The following SCART1 variants were observed in gnomAD, a reference collection of about 807,000 sequenced individuals.
The protein encoded by SCART1 is scavenger receptor family member expressed on T cells 1, also known as scavenger receptor cysteine-rich domain-containing protein SCART1.
Under a neutral mutation model 36.2 loss-of-function variants are expected in SCART1, and 62 were observed. The ratio of observed to expected loss-of-function variants is 1.71; its 90% confidence interval spans 1.40 to 2.12. The LOEUF (loss-of-function observed/expected upper bound fraction) is 2.12, where lower values mean the gene tolerates loss of function less well. Ranked by LOEUF, SCART1 falls within the 30% of genes most tolerant of loss-of-function variation. The probability of loss-of-function intolerance (pLI) is 0.00; values close to 1 mark genes in which losing one functional copy is unlikely to be tolerated. For synonymous variants in SCART1, 487 were observed against 238.7 expected (o/e 2.04, Z -9.59); for missense variants, 1,041 against 540.5 (o/e 1.93, Z -9.18).
Position 133,457,299 on chromosome 10 carries a change from C to T in SCART1, c.406C>T (p.Arg136Trp), listed in dbSNP as rs770704863. 72 of 700,890 alleles carry T rather than the reference C, an allele frequency of 1.0e-4. 2 individuals carry two copies. The highest frequency in any genetic ancestry group is 7.2e-4 in the East Asian group (27 of 37,244). The allele number at this position is 700,890 out of a possible 1,614,324, so 43.4% of individuals were successfully genotyped here. A position where few individuals can be genotyped will look rare whatever the true frequency, so the allele number is the denominator to read the frequency against. The change falls in exon 3 of 12, where the codon CGG becomes TGG. Residue 136 changes from arginine (R) to tryptophan (W), a missense_variant. Physicochemically the swap from Arg to Trp is moderately radical, Grantham distance 101 (BLOSUM62 -3). Transcript: ENST00000640237. ...CACAGACGGCACTTTCCGGGAGCTC[C>T]GGCTGGTGAAGGGCCGCAGTCCCTG...
At chr10:133,460,941 G>GC (rs1850694189) in intron 6 of SCART1, among the ~76,000 whole-genome samples, 1 of 151,834 alleles carries the variant, frequency 6.6e-6, no homozygotes, top group Non-Finnish European at 1.5e-5. Context: ...TCACCATGTT[G>GC]CCCAGGCCGG....
intron 6 of SCART1, among the ~76,000 whole-genome samples, chr10:133,461,915 A>G (rs1056432256): frequency 6.6e-6 from 1 of 152,158 alleles, no homozygotes; most frequent in African/African-American, 2.4e-5. Context: ...TTTTTCTGTG[A>G]AGCTTCATTC....
chr10:133,460,964 G>A (rs1850694906), intron 6 of SCART1, among the ~76,000 whole-genome samples: 2 of 152,024 alleles, frequency 1.3e-5, no homozygotes, highest in African/African-American at 4.8e-5. Flanking sequence ...TCAAACTCCT[G>A]GACTCAAGCG....
exon 6 of SCART1, chr10:133,459,618 C>T (rs1266745276): frequency 1.5e-6 from 1 of 672,338 alleles, no homozygotes; most frequent in Non-Finnish European, 2.7e-6. Context: ...CGTGGTGTGC[C>T]GGCAACTCGG....
At chr10:133,466,253 C>T (rs777664391) in exon 10 of SCART1, 1 of 702,744 alleles carries the variant, frequency 1.4e-6, no homozygotes, top group East Asian at 2.7e-5. Context: ...CCAGGCCCCC[C>T]ACTGCCTGCA....
At chr10:133,456,982 A>G (rs1175719372) in intron 2 of SCART1, 1 of 516,322 alleles carries the variant, frequency 1.9e-6, no homozygotes, top group Non-Finnish European at 3.4e-6. Flanking sequence ...GGCTGTGAGG[A>G]CCCCCTCATA....
chr10:133,465,619 T>A, intron 9 of SCART1, 54 bp downstream of exon 9: 2 of 582,022 alleles, frequency 3.4e-6, no homozygotes, highest in Non-Finnish European at 6.1e-6. Flanking sequence ...GGCGCTGGGA[T>A]GGAGTCAGTC....
chr10:133,460,607 G>A (rs1850691215), intron 6 of SCART1, among the ~76,000 whole-genome samples: 2 of 150,438 alleles, frequency 1.3e-5, no homozygotes, highest in South Asian at 4.2e-4. Flanking sequence ...CCCATCACCG[G>A]TCACCGCAGT....
intron 10 of SCART1, chr10:133,466,836 G>T: frequency 4.4e-6 from 1 of 227,856 alleles, no homozygotes; most frequent in Non-Finnish European, 8.5e-6. Context: ...CAGCATTCAG[G>T]GCAGAGTTGC....
intron 3 of SCART1, 107 bp from the exon 4 acceptor site, chr10:133,458,253 G>C: frequency 2.9e-6 from 2 of 701,180 alleles, no homozygotes; most frequent in Non-Finnish European, 5.2e-6. Context: ...CCTCTGCCTA[G>C]ATGCAGGTGA....
At chr10:133,468,360 T>G (rs1478025123) in exon 12 of SCART1, 1 of 161,056 alleles carries the variant, frequency 6.2e-6, no homozygotes, top group Non-Finnish European at 1.4e-5. Context: ...TCTTAAAAAC[T>G]CTTCTTAATT....
chr10:133,465,454 C>T, exon 9 of SCART1: 2 of 533,218 alleles, frequency 3.8e-6, no homozygotes, highest in Non-Finnish European at 6.5e-6. Flanking sequence ...GCCCGTGTGG[C>T]TGGACGAGGT....
exon 4 of SCART1, chr10:133,458,385 C>T (rs374578820): frequency 6.8e-5 from 48 of 702,490 alleles, no homozygotes; most frequent in East Asian, 2.1e-4. Context: ...GACTGGTGGG[C>T]GGCGAGCACC....
chr10:133,458,210 G>A, intron 3 of SCART1, 150 bp from the exon 4 acceptor site: 2 of 700,718 alleles, frequency 2.9e-6, no homozygotes, highest in Admixed American at 4.0e-5. Flanking sequence ...GGAAGGGCCT[G>A]TGGCTGCAAG....
chr10:133,454,673 C>T (rs563385315), intron 1 of SCART1, among the ~76,000 whole-genome samples: 2 of 151,750 alleles, frequency 1.3e-5, no homozygotes, highest in Admixed American at 6.6e-5. Context: ...TGGGGCTGGG[C>T]GGGAGGCAGG....
intron 6 of SCART1, among the ~76,000 whole-genome samples, chr10:133,462,567 C>G (rs532536634): frequency 6.6e-6 from 1 of 152,194 alleles, no homozygotes. Flanking sequence ...GAGTAACCAG[C>G]CCTGCCACAG....
chr10:133,465,836 G>C (rs1446083034), intron 9 of SCART1: 10 of 694,988 alleles, frequency 1.4e-5, no homozygotes, highest in Middle Eastern at 4.6e-4. Context: ...CTGGGTGTTG[G>C]CAGGTTCAGT....
chr10:133,457,508 C>G (rs1413710919), exon 3 of SCART1: 2 of 702,672 alleles, frequency 2.8e-6, no homozygotes, highest in Admixed American at 4.0e-5. Flanking sequence ...CCATCCGCAG[C>G]TGCAGACTGG....
exon 11 of SCART1, chr10:133,467,325 T>G: frequency 1.4e-6 from 1 of 701,976 alleles, no homozygotes; most frequent in Non-Finnish European, 2.6e-6. Flanking sequence ...AGGACGGAAG[T>G]GTGGTGAAGG....
Sources: allele counts gnomAD v4.1 joint callset (sites outside exome capture counted in the v4.1 genomes callset), GRCh38; gene constraint gnomAD v4.1.1; transcripts MANE v1.5; gene names NCBI Gene and HGNC (gene_info 2026-07-23, HGNC 2026-07-21).